WDR70: variants seen among roughly 807,000 people sequenced by gnomAD.
WDR70 encodes WD repeat domain 70.
Under a neutral mutation model 88.6 loss-of-function variants are expected in WDR70, and 53 were observed. The observed-to-expected ratio is 0.60, with a 90% CI of 0.48 to 0.75. The LOEUF (loss-of-function observed/expected upper bound fraction) is 0.75. Among genes scored for constraint, WDR70 ranks in the 30% least tolerant of loss-of-function variants. WDR70 has a pLI of 0.00. For missense variants in WDR70, 610 were observed against 823.2 expected (o/e 0.74, Z 3.17); for synonymous variants, 280 against 270.0 (o/e 1.04, Z -0.36).
intron 9 of WDR70, among the ~76,000 whole-genome samples, chr5:37,589,584 A>T (rs889582973): frequency 6.6e-6 from 1 of 151,608 alleles, no homozygotes; most frequent in Admixed American, 6.6e-5. Flanking sequence ...ATTTATTTTT[A>T]TTTTTTATTT....
At chr5:37,694,795 T>G (rs1459260675) in intron 10 of WDR70, among the ~76,000 whole-genome samples, 1 of 151,948 alleles carries the variant, frequency 6.6e-6, no homozygotes, top group East Asian at 1.9e-4. Context: ...TGTATACCTA[T>G]GTATCAAACC....
intron 5 of WDR70, 83 bp from the exon 6 acceptor site, chr5:37,437,839 T>C: frequency 7.5e-7 from 1 of 1,339,186 alleles, no homozygotes. Flanking sequence ...TTTTAAAAAA[T>C]TGTATTTCCT....
intron 8 of WDR70, among the ~76,000 whole-genome samples, chr5:37,515,101 G>A (rs1018388665): frequency 3.3e-5 from 5 of 151,846 alleles, no homozygotes; most frequent in African/African-American, 1.2e-4. Flanking sequence ...AAGCATGAGA[G>A]AATGTTGTGA....
intron 7 of WDR70, among the ~76,000 whole-genome samples, chr5:37,472,679 A>G (rs1172613798): frequency 6.6e-6 from 1 of 151,960 alleles, no homozygotes; most frequent in Non-Finnish European, 1.5e-5. Context: ...TTGTACTTTT[A>G]GTAGAGATGG....
chr5:37,723,325 TCAGG>T, intron 15 of WDR70: 1 of 196,302 alleles, frequency 5.1e-6, no homozygotes, highest in East Asian at 1.2e-4. Flanking sequence ...TAACTTTTAA[TCAGG>T]GAAGTGTGGC....
At chr5:37,563,374 G>A (rs370373776) in intron 9 of WDR70, among the ~76,000 whole-genome samples, 3 of 57,994 alleles carry the variant, frequency 5.2e-5, no homozygotes, top group African/African-American at 1.1e-4. Flanking sequence ...CAGTAGGGGC[G>A]GCCGGGCAGA....
chr5:37,678,058 G>T (rs980560663), intron 10 of WDR70, among the ~76,000 whole-genome samples: 14 of 151,986 alleles, frequency 9.2e-5, no homozygotes, highest in Non-Finnish European at 1.9e-4. Flanking sequence ...TGCAACCCCT[G>T]CCTTTTTTTG....
intron 9 of WDR70, among the ~76,000 whole-genome samples, chr5:37,589,373 G>A (rs1242526407): frequency 2.6e-5 from 4 of 151,658 alleles, no homozygotes; most frequent in African/African-American, 9.7e-5. Context: ...ATGTATCTCT[G>A]TATATCCTAT....
chr5:37,535,118 TTCTC>T (rs1255983973), intron 9 of WDR70, among the ~76,000 whole-genome samples: 1 of 152,152 alleles, frequency 6.6e-6, no homozygotes, highest in African/African-American at 2.4e-5. Context: ...ATAAAATAGT[TTCTC>T]TAGTAGTAAG....
chr5:37,483,326 A>G (rs1739734441), intron 8 of WDR70, among the ~76,000 whole-genome samples: 1 of 151,994 alleles, frequency 6.6e-6, no homozygotes, highest in Admixed American at 6.6e-5. Context: ...GCTGCCTTCA[A>G]GCATCTGTTT....
At chr5:37,415,526 A>C (rs1581260717) in intron 5 of WDR70, among the ~76,000 whole-genome samples, 7 of 34,240 alleles carry the variant, frequency 2.0e-4, no homozygotes, top group South Asian at 1.1e-3. Context: ...CCCCCACCTC[A>C]CCTCCCTCCC....
At chr5:37,383,508 C>T (rs1393811143) in intron 3 of WDR70, among the ~76,000 whole-genome samples, 5 of 151,996 alleles carry the variant, frequency 3.3e-5, no homozygotes, top group Non-Finnish European at 5.9e-5. Context: ...GTGATCCGCC[C>T]GCCTCGGCCT....
intron 9 of WDR70, among the ~76,000 whole-genome samples, chr5:37,572,407 A>G (rs550348438): frequency 1.6e-4 from 24 of 152,072 alleles, no homozygotes; most frequent in Non-Finnish European, 3.2e-4. Context: ...TAGTTCATTG[A>G]GCCAGAGTCC....
chr5:37,686,541 A>G (rs1660275667), intron 10 of WDR70, among the ~76,000 whole-genome samples: 1 of 151,136 alleles, frequency 6.6e-6, no homozygotes, highest in South Asian at 2.1e-4. Context: ...CAGCTGGGCA[A>G]CAAACTGAGA....
intron 10 of WDR70, among the ~76,000 whole-genome samples, chr5:37,615,005 C>G (rs774114982): frequency 6.6e-6 from 1 of 151,368 alleles, no homozygotes; most frequent in Non-Finnish European, 1.5e-5. Flanking sequence ...AGATTACTAC[C>G]AAAAAATTTG....
intron 7 of WDR70, among the ~76,000 whole-genome samples, chr5:37,465,836 T>G (rs1233148960): frequency 6.6e-6 from 1 of 151,708 alleles, no homozygotes; most frequent in African/African-American, 2.4e-5. Flanking sequence ...ATGTCAGCAT[T>G]TTCATTTTTG....
At chr5:37,721,581 G>A (rs1005345200) in intron 14 of WDR70, 1 of 190,058 alleles carries the variant, frequency 5.3e-6, no homozygotes, top group Non-Finnish European at 1.1e-5. Context: ...ACAGGAAATG[G>A]AATCAGCTTG....
At chr5:37,665,843 G>A (rs1174874940) in intron 10 of WDR70, among the ~76,000 whole-genome samples, 2 of 152,144 alleles carry the variant, frequency 1.3e-5, no homozygotes, top group Non-Finnish European at 2.9e-5. Context: ...CTTTGATAAG[G>A]TCAGCTCCAA....
At chr5:37,543,233 C>T (rs538492272) in intron 9 of WDR70, among the ~76,000 whole-genome samples, 226 of 152,168 alleles carry the variant, frequency 1.5e-3, no homozygotes, top group Non-Finnish European at 2.4e-3. Context: ...AACTACCTAG[C>T]TGGCTGGTTG....
Sources: allele counts gnomAD v4.1 joint callset (sites outside exome capture counted in the v4.1 genomes callset), GRCh38; gene constraint gnomAD v4.1.1; transcripts MANE v1.5; gene names NCBI Gene and HGNC (gene_info 2026-07-23, HGNC 2026-07-21).